EFCAB8: variants seen among roughly 807,000 people sequenced by gnomAD.
EFCAB8 encodes EF-hand calcium binding domain 8.
EFCAB8 carries 100 observed loss-of-function variants against 116.3 expected under a neutral mutation model. That is an observed-to-expected ratio of 0.86 (90% CI 0.73 to 1.02). EFCAB8 has a LOEUF of 1.02. Ranked by LOEUF, EFCAB8 falls within the 50% of genes least tolerant of loss-of-function variation. The probability of loss-of-function intolerance (pLI) is 0.00; values close to 1 mark genes in which losing one functional copy is unlikely to be tolerated. For synonymous variants in EFCAB8, 558 were observed against 567.9 expected, an observed-to-expected ratio of 0.98 and a Z score of 0.25; for missense variants, 1,320 against 1,416.9, an observed-to-expected ratio of 0.93 and a Z score of 1.10.
chr20:32,875,921 T>C lies in EFCAB8; in HGVS notation c.209-5T>C, dbSNP rs1227047871. 1 of 1,551,536 alleles carries C rather than the reference T, an allele frequency of 6.4e-7. No homozygotes were observed. ...GGGATGATGCTCTCTGTTCTCTCTT[T>C]GAAGCCCTGGGCATGGACGCCTTCA... On this transcript the variant is annotated splice_region_variant and splice_polypyrimidine_tract_variant and intron_variant, in intron 3 of 26. Coordinates refer to ENST00000400522, the MANE Select transcript of EFCAB8 (RefSeq NM_001143967.2).
intron 23 of EFCAB8, among the ~76,000 whole-genome samples, chr20:32,953,942 C>T (rs62207482): frequency 0.011 from 1,739 of 152,264 alleles, 17 homozygotes; most frequent in East Asian, 0.028. Flanking sequence ...TCCCGAGTAG[C>T]TGGGCTTACA....
At chr20:32,902,833 C>T (rs1175887584) in intron 11 of EFCAB8, among the ~76,000 whole-genome samples, 8 of 152,198 alleles carry the variant, frequency 5.3e-5, no homozygotes, top group Admixed American at 4.6e-4. Context: ...GCCAGCCTCA[C>T]CTGAGTTCTC....
intron 2 of EFCAB8, among the ~76,000 whole-genome samples, chr20:32,867,080 G>T (rs1984460756): frequency 6.6e-6 from 1 of 152,052 alleles, no homozygotes; most frequent in African/African-American, 2.4e-5. Flanking sequence ...ACCACACCCA[G>T]CTAATGTTTT....
At chr20:32,896,415 A>G (rs1231653842) in intron 9 of EFCAB8, 39 bp from the exon 10 acceptor site, 1 of 714,692 alleles carries the variant, frequency 1.4e-6, no homozygotes, top group Non-Finnish European at 2.6e-6. Context: ...GCGAAGGGGG[A>G]AAGCTGCTGA....
chr20:32,922,679 G>A (rs996271398), intron 20 of EFCAB8, among the ~76,000 whole-genome samples: 1 of 152,116 alleles, frequency 6.6e-6, no homozygotes, highest in Non-Finnish European at 1.5e-5. Context: ...CAGAGGAGGT[G>A]GCATCTGCAT....
chr20:32,923,822 A>C (rs1216549215), intron 20 of EFCAB8, among the ~76,000 whole-genome samples: 2 of 152,126 alleles, frequency 1.3e-5, no homozygotes, highest in African/African-American at 4.8e-5. Flanking sequence ...GGTACACTGC[A>C]CAGAGTCTGT....
intron 20 of EFCAB8, among the ~76,000 whole-genome samples, chr20:32,922,283 G>A (rs1987493588): frequency 6.6e-6 from 1 of 152,194 alleles, no homozygotes; most frequent in African/African-American, 2.4e-5. Context: ...ACATTTCTGG[G>A]CACTAGTGTG....
At chr20:32,939,575 G>A (rs1600453619) in intron 22 of EFCAB8, among the ~76,000 whole-genome samples, 2 of 147,040 alleles carry the variant, frequency 1.4e-5, no homozygotes, top group Non-Finnish European at 3.0e-5. Context: ...GAGCCACCTC[G>A]CCTGGCGGGC....
Position 32,911,693 on chromosome 20 carries a change from C to T in EFCAB8, c.1771C>T (p.Pro591Ser). Residue 591 changes from proline (P) to serine (S), a missense_variant, in exon 16 of 27, where the codon CCG becomes TCG. By Grantham distance (74) the Pro-to-Ser change is moderately conservative. Coordinates refer to ENST00000400522, the MANE Select transcript of EFCAB8 (RefSeq NM_001143967.2). Reference protein sequence around the residue: ...IGKCLLTFPSPEQLEISGIIH... With the variant: ...IGKCLLTFPSSEQLEISGIIH... Reference sequence around the variant, plus strand: ...CAAATGCCTGTTGACCTTTCCCAGTCCGGAACAGCTGGAGGTCAGTCTTGC... The same window carrying T: ...CAAATGCCTGTTGACCTTTCCCAGTTCGGAACAGCTGGAGGTCAGTCTTGC... The T allele has an allele frequency of 1.3e-6, 2 of 1,551,692 alleles. No homozygotes were observed. The highest frequency in any genetic ancestry group is 1.7e-6 in the Non-Finnish European group (2 of 1,146,996).
chr20:32,934,315 T>C (rs1476763258), intron 22 of EFCAB8, among the ~76,000 whole-genome samples: 2 of 152,186 alleles, frequency 1.3e-5, no homozygotes, highest in Non-Finnish European at 2.9e-5. Context: ...AGTATTCCAT[T>C]ATGTATATAC....
chr20:32,954,922 T>C (rs1159832263), intron 23 of EFCAB8, among the ~76,000 whole-genome samples: 1 of 152,216 alleles, frequency 6.6e-6, no homozygotes, highest in Non-Finnish European at 1.5e-5. Context: ...TAATATATTG[T>C]TGAATTCTAT....
chr20:32,953,614 T>A (rs777911684), intron 23 of EFCAB8, among the ~76,000 whole-genome samples: 1 of 152,232 alleles, frequency 6.6e-6, no homozygotes, highest in Admixed American at 6.5e-5. Flanking sequence ...TTGTTGGCCA[T>A]TGTATATCAT....
chr20:32,887,717 TG>T (rs1469162157), intron 6 of EFCAB8, among the ~76,000 whole-genome samples: 1 of 152,236 alleles, frequency 6.6e-6, no homozygotes, highest in African/African-American at 2.4e-5. Context: ...GCTCTGCTCG[TG>T]GCTTTCCCTG....
intron 11 of EFCAB8, among the ~76,000 whole-genome samples, chr20:32,903,297 T>G (rs887010633): frequency 2.6e-5 from 4 of 152,202 alleles, no homozygotes; most frequent in Non-Finnish European, 5.9e-5. Context: ...AGGTCTCCGC[T>G]GCCCTGGACC....
chr20:32,904,870 G>A lies in EFCAB8; in HGVS notation c.1089-1692G>A, dbSNP rs181147288. ...TGGAACTCCTGACCTCAGGTGATCC[G>A]GCCGCCTTGGTCTCCCAAAGTGCTG... On this transcript the variant is annotated intron_variant, in intron 11 of 26. Transcript: ENST00000400522. Among the ~76,000 whole-genome samples the A allele has an allele frequency of 2.3e-3, 344 of 152,028 alleles. 5 individuals carry two copies. Among genetic ancestry groups the A allele is most frequent in the Admixed American group, 3.3e-3 (51 of 15,264 alleles).
intron 22 of EFCAB8, among the ~76,000 whole-genome samples, chr20:32,936,326 G>A (rs1331704974): frequency 1.3e-5 from 2 of 152,166 alleles, no homozygotes; most frequent in Admixed American, 6.5e-5. Flanking sequence ...GAGCCACCGC[G>A]CCTGGCCTAT....
At chr20:32,948,093 C>T (rs1026611309) in intron 23 of EFCAB8, among the ~76,000 whole-genome samples, 4 of 150,192 alleles carry the variant, frequency 2.7e-5, no homozygotes, top group African/African-American at 7.4e-5. Context: ...TCCAGCTAGA[C>T]TGGGCAGGAA....
In EFCAB8 at chr20:32,919,680, T is replaced by C. The variant is rs567845755; in HGVS notation, c.2275-398T>C. Among the ~76,000 whole-genome samples the C allele has an allele frequency of 2.0e-5, 3 of 152,056 alleles. No individual in the cohort carries two copies. In the East Asian group the frequency reaches 5.8e-4, roughly 29 times the overall value. ...CCTGGCTAAATTTTTTGTATTTTTATTGGAGACGGGGTTTCACCATGTTGG... is the reference window on the plus strand; with the variant it reads ...CCTGGCTAAATTTTTTGTATTTTTACTGGAGACGGGGTTTCACCATGTTGG... On this transcript the variant is annotated intron_variant, in intron 19 of 26. Coordinates refer to ENST00000400522, the MANE Select transcript of EFCAB8 (RefSeq NM_001143967.2).
At chr20:32,920,372 A>G (rs1265170935) in intron 20 of EFCAB8, among the ~76,000 whole-genome samples, 157 bp downstream of exon 20, 1 of 152,096 alleles carries the variant, frequency 6.6e-6, no homozygotes, top group East Asian at 1.9e-4. Context: ...CGCTCAGGAT[A>G]CTGGAGTCAG....
Sources: gnomAD v4.1 joint callset for allele counts (sites outside exome capture counted in the v4.1 genomes callset) on GRCh38, gnomAD v4.1.1 for gene constraint, MANE v1.5 for transcripts, NCBI Gene and HGNC (gene_info 2026-07-23, HGNC 2026-07-21) for gene names.